Variants in FAM83D observed in about 807,000 individuals in gnomAD.
FAM83D encodes the protein scaffolding CK1 anchoring protein D.
Under a neutral mutation model 25.4 loss-of-function variants are expected in FAM83D, and 26 were observed. The ratio of observed to expected loss-of-function variants is 1.02; its 90% confidence interval spans 0.75 to 1.42. The LOEUF (loss-of-function observed/expected upper bound fraction) is 1.42. Among genes scored for constraint, FAM83D ranks in the 40% most tolerant of loss-of-function variants. FAM83D has a pLI of 0.00. For missense variants in FAM83D, 740 were observed against 758.1 expected (o/e 0.98, Z 0.28); for synonymous variants, 310 against 318.5 (o/e 0.97, Z 0.28).
At chr20:38,927,300 C>T (rs951734854) in intron 1 of FAM83D, among the ~76,000 whole-genome samples, 2 of 152,152 alleles carry the variant, frequency 1.3e-5, no homozygotes, top group African/African-American at 2.4e-5. Context: ...CGCTAGATCC[C>T]ACTTTCAGGA....
In FAM83D at chr20:38,940,822, G is replaced by A. The variant is rs975875337; in HGVS notation, c.484-1137G>A. Among the ~76,000 whole-genome samples, 3 of 152,348 alleles carry A rather than the reference G, an allele frequency of 2.0e-5. 1 individual carries two copies. The highest frequency in any genetic ancestry group is 2.4e-5 in the African/African-American group (1 of 41,582). ...TTTAAAAGAGCGAGGAAAGCTAGGCGGTGTCTCCCTGTGTTGAACTGTCTG... is the reference window on the plus strand; with the variant it reads ...TTTAAAAGAGCGAGGAAAGCTAGGCAGTGTCTCCCTGTGTTGAACTGTCTG... On this transcript the variant is annotated intron_variant, in intron 1 of 3. Coordinates refer to ENST00000619850, the MANE Select transcript of FAM83D (RefSeq NM_030919.3).
chr20:38,943,038 T>TTTC (rs2085709886), intron 2 of FAM83D, among the ~76,000 whole-genome samples: 1 of 151,718 alleles, frequency 6.6e-6, no homozygotes, highest in Admixed American at 6.6e-5. Flanking sequence ...TTTTTTTTTT[T>TTTC]TCCTGAGATA....
At chr20:38,942,570 T>G (rs2085707636) in intron 2 of FAM83D, among the ~76,000 whole-genome samples, 1 of 152,218 alleles carries the variant, frequency 6.6e-6, no homozygotes, top group Non-Finnish European at 1.5e-5. Context: ...ACATATGATA[T>G]GATTCCATTA....
chr20:38,942,088 A>ATG lies in FAM83D; in HGVS notation c.616_617dup (p.Met207AlafsTer4). ...GGCTCTCCTCTCTCAATTTCTGGAT[A>ATG]TGTGCATGGATCTGAAAGTTCATCC... On this transcript the variant is annotated frameshift_variant, in exon 2 of 4. Coordinates refer to ENST00000619850, the MANE Select transcript of FAM83D (RefSeq NM_030919.3). LOFTEE classifies it high-confidence loss of function. The ATG allele has an allele frequency of 6.2e-7, 1 of 1,614,208 alleles. No individual in the cohort carries two copies. Among genetic ancestry groups the ATG allele is most frequent in the Non-Finnish European group, 8.5e-7 (1 of 1,180,028 alleles).
chr20:38,927,053 A>T (rs1231626774), intron 1 of FAM83D, 128 bp downstream of exon 1: 1 of 1,376,544 alleles, frequency 7.3e-7, no homozygotes, highest in African/African-American at 1.5e-5. Flanking sequence ...CGCGCGGGCT[A>T]GGTGGTCCCA....
At chr20:38,938,027 TAGGGGAAGTC>T (rs1407196497) in intron 1 of FAM83D, among the ~76,000 whole-genome samples, 1 of 152,108 alleles carries the variant, frequency 6.6e-6, no homozygotes, top group Non-Finnish European at 1.5e-5. Context: ...ATGCTGGGTG[TAGGGGAAGTC>T]AGGGGAAGAA....
rs763463175 is a variant in FAM83D, at chr20:38,951,604, A to G, written c.842A>G (p.Glu281Gly). The change falls in exon 4 of 4, where the codon GAA becomes GGA. Residue 281 changes from glutamate (E) to glycine (G), a missense_variant. Around this residue, in one of 3 missense-constraint regions of FAM83D, gnomAD observed 375 missense variants for 403.2 expected, o/e 0.93. Coordinates refer to ENST00000619850, the MANE Select transcript of FAM83D (RefSeq NM_030919.3). ...NLVILSGQVV[E>G]HFDLEFRILY... is the part of the protein sequence containing the mutation. ...GTAATTCTGTCTGGCCAAGTGGTTG[A>G]ACACTTTGATCTGGAGTTCCGAATC... The G allele has an allele frequency of 6.2e-7, 1 of 1,614,096 alleles. No individual in the cohort carries two copies. Among genetic ancestry groups the G allele is most frequent in the Non-Finnish European group, 8.5e-7 (1 of 1,180,052 alleles).
At chr20:38,930,241 G>C (rs745687926) in intron 1 of FAM83D, among the ~76,000 whole-genome samples, 1 of 152,212 alleles carries the variant, frequency 6.6e-6, no homozygotes, top group African/African-American at 2.4e-5. Context: ...TGATAGCAAA[G>C]GTACCTAATG....
rs909341832 is a variant in FAM83D at position 38,952,412 on chromosome 20, A to G, written c.1650A>G (p.Ser550=). 1 of 1,614,196 alleles carries G rather than the reference A, an allele frequency of 6.2e-7. No homozygotes were observed. Among genetic ancestry groups the G allele is most frequent in the Non-Finnish European group, 8.5e-7 (1 of 1,180,040 alleles). Residue 550 remains serine (S), a synonymous_variant, in exon 4 of 4, where the codon TCA becomes TCG. Transcript: ENST00000619850. ...SRLNHMLAML[S]RRTLFTENHL... The stretch of plus-strand genomic sequence containing the variant: ...TCAACCACATGCTGGCTATGCTGTC[A>G]AGGAGAACACTCTTTACTGAAAACC...
chr20:38,946,400 C>T (rs558193749), intron 2 of FAM83D, among the ~76,000 whole-genome samples: 11 of 152,216 alleles, frequency 7.2e-5, no homozygotes, highest in African/African-American at 2.6e-4. Flanking sequence ...AGAAAAGTTT[C>T]ATGTACCCTT....
chr20:38,933,864 C>CT (rs113072441), intron 1 of FAM83D, among the ~76,000 whole-genome samples: 5,543 of 144,302 alleles, frequency 0.038, 134 homozygotes, highest in Non-Finnish European at 0.046. Flanking sequence ...TTCTTTCTTT[C>CT]TTTTTTTTTT....
At chr20:38,940,454 A>G (rs2085696927) in intron 1 of FAM83D, among the ~76,000 whole-genome samples, 1 of 152,232 alleles carries the variant, frequency 6.6e-6, no homozygotes, top group South Asian at 2.1e-4. Context: ...GACCACAGAA[A>G]TGACTCAATC....
At position 38,931,309 on chromosome 20, in the gene FAM83D, C is replaced by T. The variant is rs187349596; in HGVS notation, c.483+4384C>T. 2.1e-4 allele frequency among the ~76,000 whole-genome samples: 32 copies of T among 152,346 alleles called. 1 individual carries two copies. The East Asian group carries it at 5.4e-3, about 26-fold the overall frequency. ...AGGCATTAAGGCTGGCAGAGAACCT[C>T]CTCAACCCATCAAGTGGGGAAGGTG... On this transcript the variant is annotated intron_variant, in intron 1 of 3. Coordinates refer to ENST00000619850, the MANE Select transcript of FAM83D (RefSeq NM_030919.3).
intron 1 of FAM83D, among the ~76,000 whole-genome samples, chr20:38,930,557 TG>T (rs1353753648): frequency 6.6e-6 from 1 of 151,960 alleles, no homozygotes; most frequent in Non-Finnish European, 1.5e-5. Flanking sequence ...CTTAGCTCAC[TG>T]CAACCTCCAC....
At chr20:38,934,599 A>G (rs970937814) in intron 1 of FAM83D, among the ~76,000 whole-genome samples, 2 of 152,154 alleles carry the variant, frequency 1.3e-5, no homozygotes, top group Non-Finnish European at 2.9e-5. Context: ...TTGATCTACC[A>G]CTTCCACTTC....
chr20:38,951,530 A>G lies in FAM83D; in HGVS notation c.777-9A>G. On this transcript the variant is annotated splice_polypyrimidine_tract_variant and intron_variant, in intron 3 of 3. Coordinates refer to ENST00000619850, the MANE Select transcript of FAM83D (RefSeq NM_030919.3). ...ACCAGCTGCTGTTTGTTTCTTTTTA[A>G]TCTTTAAGTTTTACATGGACGGATG... 1.9e-6 allele frequency: 3 copies of G among 1,602,628 alleles called. No homozygotes were observed. The highest frequency in any genetic ancestry group is 2.6e-6 in the Non-Finnish European group (3 of 1,174,018).
Position 38,951,614 on chromosome 20 carries a change from T to C in FAM83D, c.852T>C (p.Asp284=). 1 of 1,614,208 alleles carries C rather than the reference T, an allele frequency of 6.2e-7. No individual in the cohort carries two copies. Among genetic ancestry groups the C allele is most frequent in the Non-Finnish European group, 8.5e-7 (1 of 1,180,034 alleles). The change falls in exon 4 of 4, where the codon GAT becomes GAC. Residue 284 remains aspartate, a synonymous_variant. Coordinates refer to ENST00000619850, the MANE Select transcript of FAM83D (RefSeq NM_030919.3). ...ILSGQVVEHF[D]LEFRILYAQS... ...CTGGCCAAGTGGTTGAACACTTTGA[T>C]CTGGAGTTCCGAATCCTGTATGCCC...
At position 38,951,688 on chromosome 20, in the gene FAM83D, A is replaced by G. The variant is rs1012920488; in HGVS notation, c.926A>G (p.Asn309Ser). Residue 309 changes from asparagine to serine, a missense_variant, in exon 4 of 4, where the codon AAC becomes AGC. Coordinates refer to ENST00000619850, the MANE Select transcript of FAM83D (RefSeq NM_030919.3). ...PKLLSHFQSS[N>S]KFDHLTNRKP... ...CTCCTGTCTCACTTCCAGAGCAGCAACAAGTTTGATCACCTCACCAACCGA... is the reference window on the plus strand; with the variant it reads ...CTCCTGTCTCACTTCCAGAGCAGCAGCAAGTTTGATCACCTCACCAACCGA... 1.9e-6 allele frequency: 3 copies of G among 1,614,184 alleles called. No homozygotes were observed. In the Admixed American group the frequency reaches 5.0e-5, roughly 27 times the overall value.
chr20:38,938,035 G>A (rs1333357697), intron 1 of FAM83D, among the ~76,000 whole-genome samples: 1 of 152,212 alleles, frequency 6.6e-6, no homozygotes, highest in African/African-American at 2.4e-5. Context: ...TGTAGGGGAA[G>A]TCAGGGGAAG....
Sources: gnomAD v4.1 joint callset for allele counts (sites outside exome capture counted in the v4.1 genomes callset) on GRCh38, gnomAD v4.1.1 for gene constraint, gnomAD v4.1.1 regional missense constraint, MANE v1.5 for transcripts, NCBI Gene and HGNC (gene_info 2026-07-23, HGNC 2026-07-21) for gene names.